Variants in MYO1E observed in about 807,000 individuals in gnomAD.
The protein encoded by MYO1E is unconventional myosin-Ie.
MYO1E carries 68 observed loss-of-function variants against 151.1 expected under a neutral mutation model. That is an observed-to-expected ratio of 0.45 (90% CI 0.37 to 0.55). The LOEUF (loss-of-function observed/expected upper bound fraction) is 0.55. Ranked by LOEUF, MYO1E falls within the 20% of genes least tolerant of loss-of-function variation. The pLI, the probability that MYO1E is intolerant of heterozygous loss-of-function variation, is 0.00. For synonymous variants in MYO1E, 601 were observed against 501.7 expected (o/e 1.20, Z -2.64); for missense variants, 1,363 against 1,389.3 (o/e 0.98, Z 0.30).
At chr15:59,257,144 C>T (rs913814053) in intron 3 of MYO1E, among the ~76,000 whole-genome samples, 2 of 152,182 alleles carry the variant, frequency 1.3e-5, no homozygotes, top group Non-Finnish European at 1.5e-5. Flanking sequence ...TTTCTTGACA[C>T]CTACCTTTAC....
rs1433227178 is a variant in MYO1E, at chr15:59,178,387, A to G, written c.2049+6T>C. 6.2e-7 allele frequency: 1 copy of G among 1,614,128 alleles called. No individual in the cohort carries two copies. Among genetic ancestry groups the G allele is most frequent in the South Asian group, 1.1e-5 (1 of 91,072 alleles). On this transcript the variant is annotated splice_donor_region_variant and intron_variant, in intron 19 of 27. Transcript: ENST00000288235. Reference sequence around the variant, plus strand: ...GAAGAGAGTGGAGAGCCAGCCAAGCACTCACAGACTCGGGGGCTTTGATGA... The same window carrying G: ...GAAGAGAGTGGAGAGCCAGCCAAGCGCTCACAGACTCGGGGGCTTTGATGA...
intron 5 of MYO1E, among the ~76,000 whole-genome samples, chr15:59,235,767 G>T (rs772143139): frequency 6.6e-6 from 1 of 152,178 alleles, no homozygotes; most frequent in Non-Finnish European, 1.5e-5. Context: ...TCATTAAAAT[G>T]TACTAGTTCA....
At chr15:59,267,160 G>C (rs1270197109) in intron 2 of MYO1E, among the ~76,000 whole-genome samples, 3 of 151,358 alleles carry the variant, frequency 2.0e-5, no homozygotes, top group African/African-American at 7.3e-5. Flanking sequence ...CGAGTAGCCG[G>C]GACTACAGGC....
At chr15:59,253,391 T>G (rs2080176079) in intron 4 of MYO1E, among the ~76,000 whole-genome samples, 1 of 151,922 alleles carries the variant, frequency 6.6e-6, no homozygotes, top group Admixed American at 6.6e-5. Context: ...ACTGACAATC[T>G]GGACACACGA....
chr15:59,181,732 GCT>G (rs1322572733), intron 18 of MYO1E, among the ~76,000 whole-genome samples: 2 of 152,302 alleles, frequency 1.3e-5, no homozygotes, highest in African/African-American at 2.4e-5. Context: ...GTGAGCCATG[GCT>G]CTGTTTAGGC....
Position 59,153,640 on chromosome 15 carries a change from C to T in MYO1E, c.3030G>A (p.Gln1010=). The change falls in exon 26 of 28, where the codon CAG becomes CAA. Residue 1010 remains glutamine, a synonymous_variant. Coordinates refer to ENST00000288235, the MANE Select transcript of MYO1E (RefSeq NM_004998.4). The part of the protein sequence containing the change: ...QQSTSSDRVS[Q]TPESLDFLKV... ...TGAGGAAATCCAGGCTCTCTGGCGTCTGTGACACTCGGTCTGAACTGGTAG... is the reference window on the plus strand; with the variant it reads ...TGAGGAAATCCAGGCTCTCTGGCGTTTGTGACACTCGGTCTGAACTGGTAG... 6.2e-7 allele frequency: 1 copy of T among 1,614,162 alleles called. No individual in the cohort carries two copies. The highest frequency in any genetic ancestry group is 8.5e-7 in the Non-Finnish European group (1 of 1,180,038).
chr15:59,268,720 A>ATTTTTTTTTTTTTTTTT lies in MYO1E; in HGVS notation c.147+3569_147+3585dup, dbSNP rs398027512. Among the ~76,000 whole-genome samples, 100 of 44,914 alleles carry ATTTTTTTTTTTTTTTTT rather than the reference A, an allele frequency of 2.2e-3. 31 individuals carry two copies. The highest frequency in any genetic ancestry group is 0.019 in the Middle Eastern group (1 of 54). The allele number at this position is 44,914 out of a possible 152,430, so 29.5% of individuals were successfully genotyped here. A position where few individuals can be genotyped will look rare whatever the true frequency, so the allele number is the denominator to read the frequency against. On this transcript the variant is annotated intron_variant, in intron 2 of 27. Coordinates refer to ENST00000288235, the MANE Select transcript of MYO1E (RefSeq NM_004998.4). ...GTGATGGGTTCTGGGTGACTTTGGT[A>ATTTTTTTTTTTTTTTTT]TTTTTTTTTTTTTTTTTTTTTGCTT...
chr15:59,297,732 T>C (rs2080459263), intron 1 of MYO1E, among the ~76,000 whole-genome samples: 1 of 151,928 alleles, frequency 6.6e-6, no homozygotes, highest in African/African-American at 2.4e-5. Flanking sequence ...AGGTGTGCAC[T>C]ACCATGCTTG....
At chr15:59,336,650 T>G (rs538737519) in intron 1 of MYO1E, among the ~76,000 whole-genome samples, 1 of 152,132 alleles carries the variant, frequency 6.6e-6, no homozygotes, top group Non-Finnish European at 1.5e-5. Flanking sequence ...TTGCAGAACG[T>G]GCGGGTTTGT....
chr15:59,359,817 T>A (rs1417630585), intron 1 of MYO1E: 5 of 152,032 alleles, frequency 3.3e-5, no homozygotes, highest in African/African-American at 1.2e-4. Context: ...CTTGAAGAAG[T>A]CCCCTCAGTG....
At chr15:59,160,277 C>T (rs1566967132) in intron 24 of MYO1E, among the ~76,000 whole-genome samples, 1 of 148,266 alleles carries the variant, frequency 6.7e-6, no homozygotes, top group Non-Finnish European at 1.5e-5. Flanking sequence ...TTATAAATAT[C>T]AATTATAAAT....
Position 59,148,040 on chromosome 15 carries a change from T to C in MYO1E, c.3080+5550A>G, listed in dbSNP as rs146337641. ...AAGACCAGCCAATGAATAATGGTAA[T>C]GAATCAAATACAAAATAACTTTCAA... On this transcript the variant is annotated intron_variant, in intron 26 of 27. Coordinates refer to ENST00000288235, the MANE Select transcript of MYO1E (RefSeq NM_004998.4). Among the ~76,000 whole-genome samples, 182 of 152,338 alleles carry C rather than the reference T, an allele frequency of 1.2e-3. 1 individual carries two copies. The highest frequency in any genetic ancestry group is 4.3e-3 in the African/African-American group (177 of 41,574).
chr15:59,223,770 T>C (rs41454045), intron 8 of MYO1E, among the ~76,000 whole-genome samples: 4,812 of 152,246 alleles, frequency 0.032, 235 homozygotes, highest in African/African-American at 0.11. Context: ...TGAGGTCCCT[T>C]AAATGCAATA....
chr15:59,337,347 G>C (rs1374075764), intron 1 of MYO1E, among the ~76,000 whole-genome samples: 1 of 152,152 alleles, frequency 6.6e-6, no homozygotes, highest in Non-Finnish European at 1.5e-5. Flanking sequence ...CAGGAATGGA[G>C]TTGTGTTATC....
intron 2 of MYO1E, among the ~76,000 whole-genome samples, chr15:59,265,836 C>T (rs1441601084): frequency 2.7e-5 from 4 of 147,440 alleles, no homozygotes; most frequent in Non-Finnish European, 6.0e-5. Context: ...GCATGGTGGT[C>T]TTCACATGTA....
chr15:59,340,254 G>A (rs1270591476), intron 1 of MYO1E, among the ~76,000 whole-genome samples: 1 of 152,094 alleles, frequency 6.6e-6, no homozygotes, highest in East Asian at 1.9e-4. Flanking sequence ...AGGCTGCAGT[G>A]AGCCATGATC....
At chr15:59,147,060 A>G (rs945308247) in intron 26 of MYO1E, among the ~76,000 whole-genome samples, 2 of 152,166 alleles carry the variant, frequency 1.3e-5, no homozygotes, top group Non-Finnish European at 2.9e-5. Context: ...GAGAAGTCCT[A>G]TATTAGTGAC....
chr15:59,228,857 C>T (rs1394499662), intron 6 of MYO1E, among the ~76,000 whole-genome samples: 1 of 152,166 alleles, frequency 6.6e-6, no homozygotes, highest in Non-Finnish European at 1.5e-5. Flanking sequence ...TGCCGTGTTC[C>T]TGTTCGTAAT....
chr15:59,334,735 G>A (rs1237611880), intron 1 of MYO1E, among the ~76,000 whole-genome samples: 1 of 152,170 alleles, frequency 6.6e-6, no homozygotes, highest in Non-Finnish European at 1.5e-5. Context: ...TCTTTCGCAG[G>A]CCCTTCCAGT....
Sources: gnomAD v4.1 joint callset for allele counts (sites outside exome capture counted in the v4.1 genomes callset) on GRCh38, gnomAD v4.1.1 for gene constraint, MANE v1.5 for transcripts, NCBI Gene and HGNC (gene_info 2026-07-23, HGNC 2026-07-21) for gene names.